DNAAF4: variants seen among roughly 807,000 people sequenced by gnomAD.
DNAAF4 encodes dynein axonemal assembly factor 4, also known as dynein assembly factor 4, axonemal.
In DNAAF4, 43 loss-of-function variants were observed where a neutral mutation model predicts 51.8. The ratio of observed to expected loss-of-function variants is 0.83; its 90% CI spans 0.65 to 1.07. DNAAF4 has a LOEUF of 1.07. DNAAF4 is among the 50% of genes least tolerant of loss of function. The pLI is 0.00. For synonymous variants in DNAAF4, 194 were observed against 165.6 expected, an observed-to-expected ratio of 1.17 and a Z score of -1.32; for missense variants, 581 against 493.0, an observed-to-expected ratio of 1.18 and a Z score of -1.69.
intron 5 of DNAAF4, 93 bp from the exon 6 acceptor site, chr15:55,450,460 C>G (rs1200639986): frequency 7.5e-7 from 1 of 1,331,970 alleles, no homozygotes; most frequent in African/African-American, 1.5e-5. Context: ...AGCTCACCCC[C>G]AAATCCTAAA....
At chr15:55,424,166 T>G (rs2057410913) in intron 7 of DNAAF4, among the ~76,000 whole-genome samples, 1 of 152,020 alleles carries the variant, frequency 6.6e-6, no homozygotes, top group African/African-American at 2.4e-5. Flanking sequence ...AGAAGTGAGT[T>G]AGTTATTGCA....
chr15:55,421,034 C>CA (rs991252180), intron 7 of DNAAF4, among the ~76,000 whole-genome samples: 6 of 151,740 alleles, frequency 4.0e-5, no homozygotes, highest in African/African-American at 1.2e-4. Flanking sequence ...ACTAAAAATA[C>CA]AAAAAATTAG....
At chr15:55,433,745 G>A (rs1211196849) in intron 8 of DNAAF4, among the ~76,000 whole-genome samples, 13 of 117,714 alleles carry the variant, frequency 1.1e-4, no homozygotes, top group Admixed American at 2.4e-4. Flanking sequence ...ATAATTATTT[G>A]TTTTTTATAT....
intron 5 of DNAAF4, among the ~76,000 whole-genome samples, chr15:55,455,582 C>G (rs926458670): frequency 2.0e-5 from 3 of 151,934 alleles, no homozygotes; most frequent in Non-Finnish European, 4.4e-5. Context: ...CAGGCGCATG[C>G]CACCACACCT....
intron 6 of DNAAF4, among the ~76,000 whole-genome samples, chr15:55,445,796 G>A (rs372522458): frequency 1.9e-3 from 162 of 86,998 alleles, no homozygotes; most frequent in East Asian, 5.1e-3. Context: ...GGCGCTCCCC[G>A]CTTCCCAGAT....
intron 4 of DNAAF4, among the ~76,000 whole-genome samples, chr15:55,478,590 G>A (rs888617278): frequency 6.6e-6 from 1 of 152,166 alleles, no homozygotes; most frequent in Non-Finnish European, 1.5e-5. Context: ...CAAACACACT[G>A]CTATCCCAAT....
At position 55,472,671 on chromosome 15, in the gene DNAAF4, T is replaced by A. The variant is rs796950767; in HGVS notation, c.406-5510A>T. On this transcript the variant is annotated intron_variant, in intron 4 of 9. Transcript: ENST00000321149. ...GGTGTTTGTACTGTTCAAAAAAGGA[T>A]GCCATTTACTACAGGTTATTAGTTT... Among the ~76,000 whole-genome samples the A allele has an allele frequency of 1.1e-4, 17 of 152,188 alleles. 1 individual carries two copies. Among genetic ancestry groups the A allele is most frequent in the African/African-American group, 4.1e-4 (17 of 41,544 alleles).
chr15:55,506,523 T>A (rs185833281), intron 1 of DNAAF4, among the ~76,000 whole-genome samples: 2 of 152,236 alleles, frequency 1.3e-5, no homozygotes, highest in African/African-American at 2.4e-5. Context: ...GTTCTAATAA[T>A]AAAAGTGTCT....
At chr15:55,455,300 A>G (rs2058001636) in intron 5 of DNAAF4, among the ~76,000 whole-genome samples, 3 of 149,546 alleles carry the variant, frequency 2.0e-5, no homozygotes, top group Non-Finnish European at 4.4e-5. Flanking sequence ...TACAATCTAG[A>G]CAAGAACAGT....
chr15:55,498,146 G>T, intron 2 of DNAAF4, 61 bp downstream of exon 2: 1 of 1,609,562 alleles, frequency 6.2e-7, no homozygotes, highest in Non-Finnish European at 8.5e-7. Flanking sequence ...GCCCAGCTGC[G>T]CTCTTGCAGA....
intron 5 of DNAAF4, among the ~76,000 whole-genome samples, chr15:55,463,170 TCTCACA>T (rs1468714919): frequency 0.039 from 4,687 of 120,062 alleles, 253 homozygotes; most frequent in African/African-American, 0.13. Context: ...TGAGACTCTG[TCTCACA>T]CACACACACA....
intron 4 of DNAAF4, among the ~76,000 whole-genome samples, chr15:55,473,825 C>G (rs2058300258): frequency 6.6e-6 from 1 of 151,700 alleles, no homozygotes; most frequent in Non-Finnish European, 1.5e-5. Context: ...ACCCCTATCT[C>G]TACAAAAAAT....
intron 9 of DNAAF4, 120 bp downstream of exon 9, chr15:55,432,373 GAATA>G: frequency 1.6e-6 from 1 of 644,142 alleles, no homozygotes; most frequent in Non-Finnish European, 2.6e-6. Flanking sequence ...ACATTACTAA[GAATA>G]AATTAAATGC....
chr15:55,468,952 C>A (rs1024183257), intron 4 of DNAAF4, among the ~76,000 whole-genome samples: 1 of 151,988 alleles, frequency 6.6e-6, no homozygotes, highest in African/African-American at 2.4e-5. Flanking sequence ...ACAGAAGGAA[C>A]TACAATGAAG....
intron 4 of DNAAF4, among the ~76,000 whole-genome samples, chr15:55,483,823 G>A (rs1442161677): frequency 1.8e-5 from 2 of 110,192 alleles, no homozygotes; most frequent in African/African-American, 3.4e-5. Flanking sequence ...ATCACACCCA[G>A]CCAATAAAGC....
intron 7 of DNAAF4, among the ~76,000 whole-genome samples, chr15:55,421,239 C>T (rs2057385815): frequency 6.7e-6 from 1 of 150,154 alleles, no homozygotes; most frequent in Non-Finnish European, 1.5e-5. Context: ...GTGGCTCACA[C>T]TTAAAATCCC....
intron 4 of DNAAF4, among the ~76,000 whole-genome samples, chr15:55,470,841 T>A (rs981767314): frequency 1.6e-5 from 2 of 128,858 alleles, no homozygotes; most frequent in Non-Finnish European, 3.2e-5. Flanking sequence ...CTACTATGCC[T>A]GGCGGATTTT....
intron 7 of DNAAF4, among the ~76,000 whole-genome samples, chr15:55,424,531 T>C (rs997418319): frequency 6.6e-6 from 1 of 152,200 alleles, no homozygotes; most frequent in African/African-American, 2.4e-5. Context: ...AGGTCTCTCC[T>C]TGACCAAACT....
chr15:55,497,687 G>T (rs755675152), intron 3 of DNAAF4, 25 bp downstream of exon 3: 1 of 1,588,282 alleles, frequency 6.3e-7, no homozygotes. Flanking sequence ...ACAACCAGAT[G>T]AACATCTTTT....
Sources: gnomAD v4.1 joint callset for allele counts (sites outside exome capture counted in the v4.1 genomes callset) on GRCh38, gnomAD v4.1.1 for gene constraint, MANE v1.5 for transcripts, NCBI Gene and HGNC (gene_info 2026-07-23, HGNC 2026-07-21) for gene names.